Variants in TRABD2B observed in about 807,000 individuals in gnomAD.
TRABD2B encodes metalloprotease TIKI2.
TRABD2B carries 14 observed loss-of-function variants against 40.1 expected under a neutral mutation model. That is an observed-to-expected ratio of 0.35 (90% CI 0.23 to 0.55). TRABD2B has a LOEUF of 0.55. Ranked by LOEUF, TRABD2B falls within the 20% of genes least tolerant of loss-of-function variation. TRABD2B has a pLI of 0.90. For synonymous variants in TRABD2B, 263 were observed against 277.0 expected, an observed-to-expected ratio of 0.95 and a Z score of 0.50; for missense variants, 541 against 648.6, an observed-to-expected ratio of 0.83 and a Z score of 1.80.
At chr1:47,942,605 C>T (rs768910766) in intron 2 of TRABD2B, among the ~76,000 whole-genome samples, 3 of 152,068 alleles carry the variant, frequency 2.0e-5, no homozygotes, top group Non-Finnish European at 4.4e-5. Flanking sequence ...TCCCAGATCC[C>T]GAGGCTTGGA....
chr1:47,769,464 T>A (rs1445822191), intron 6 of TRABD2B, among the ~76,000 whole-genome samples: 1 of 152,150 alleles, frequency 6.6e-6, no homozygotes, highest in Non-Finnish European at 1.5e-5. Context: ...CTGAGTGGGC[T>A]TTTTATTGCT....
intron 2 of TRABD2B, among the ~76,000 whole-genome samples, chr1:47,957,464 G>GA (rs1645441308): frequency 6.6e-6 from 1 of 152,054 alleles, no homozygotes; most frequent in South Asian, 2.1e-4. Context: ...TAAAAACCTT[G>GA]AAAAAAGATT....
intron 3 of TRABD2B, among the ~76,000 whole-genome samples, chr1:47,797,687 T>C (rs933933787): frequency 6.6e-6 from 1 of 152,138 alleles, no homozygotes; most frequent in Non-Finnish European, 1.5e-5. Context: ...TTCATGCTGA[T>C]GGGCCTTGGC....
At chr1:47,917,293 C>G (rs1644842653) in intron 2 of TRABD2B, among the ~76,000 whole-genome samples, 3 of 152,216 alleles carry the variant, frequency 2.0e-5, no homozygotes, top group African/African-American at 7.2e-5. Flanking sequence ...CACTGAGATT[C>G]TAGCCTATCT....
At chr1:47,852,839 G>A (rs55964756) in intron 2 of TRABD2B, among the ~76,000 whole-genome samples, 13,347 of 152,090 alleles carry the variant, frequency 0.088, 662 homozygotes, top group African/African-American at 0.13. Context: ...CATAATACCT[G>A]CCCCAAAGTT....
chr1:47,993,564 C>T (rs774980381), intron 2 of TRABD2B, among the ~76,000 whole-genome samples: 3 of 152,144 alleles, frequency 2.0e-5, no homozygotes, highest in Non-Finnish European at 2.9e-5. Flanking sequence ...ACTCTACTGT[C>T]GCCAGGTCCC....
intron 5 of TRABD2B, among the ~76,000 whole-genome samples, chr1:47,777,954 G>A (rs981089440): frequency 3.3e-5 from 5 of 152,192 alleles, no homozygotes; most frequent in African/African-American, 9.7e-5. Flanking sequence ...ATTTGAGCAG[G>A]GTGGGTATGC....
At chr1:47,949,001 A>G (rs1394635338) in intron 2 of TRABD2B, among the ~76,000 whole-genome samples, 1 of 152,232 alleles carries the variant, frequency 6.6e-6, no homozygotes, top group East Asian at 1.9e-4. Context: ...TTTTATAAAT[A>G]AGAAAACTGA....
intron 2 of TRABD2B, among the ~76,000 whole-genome samples, chr1:47,810,172 G>C (rs956879264): frequency 6.6e-6 from 1 of 151,738 alleles, no homozygotes; most frequent in Admixed American, 6.6e-5. Context: ...GCGCGCGCAC[G>C]TGTGTGTGTT....
chr1:47,942,849 T>C (rs1357430391), intron 2 of TRABD2B, among the ~76,000 whole-genome samples: 1 of 152,236 alleles, frequency 6.6e-6, no homozygotes, highest in Admixed American at 6.5e-5. Flanking sequence ...GGGCCTGAGC[T>C]GGGATTTGAA....
intron 6 of TRABD2B, among the ~76,000 whole-genome samples, chr1:47,773,965 G>A (rs951593415): frequency 6.6e-6 from 1 of 152,216 alleles, no homozygotes. Flanking sequence ...GGAGATTCAT[G>A]AAGTGCAAAG....
intron 2 of TRABD2B, among the ~76,000 whole-genome samples, chr1:47,879,380 T>A (rs1205757219): frequency 1.3e-5 from 2 of 152,204 alleles, no homozygotes; most frequent in Non-Finnish European, 2.9e-5. Context: ...TACACAAATA[T>A]TTACCACTGT....
intron 2 of TRABD2B, among the ~76,000 whole-genome samples, chr1:47,882,192 G>A (rs1245090800): frequency 2.6e-5 from 4 of 152,232 alleles, no homozygotes; most frequent in African/African-American, 9.6e-5. Flanking sequence ...GTAAACACCA[G>A]CAAACACAGG....
chr1:47,809,947 G>A (rs1194017051), intron 2 of TRABD2B, among the ~76,000 whole-genome samples: 1 of 152,192 alleles, frequency 6.6e-6, no homozygotes, highest in Non-Finnish European at 1.5e-5. Context: ...TATTTATTGA[G>A]CACTTATGTA....
chr1:47,780,272 C>T (rs970205383), intron 4 of TRABD2B, among the ~76,000 whole-genome samples: 3 of 152,214 alleles, frequency 2.0e-5, no homozygotes, highest in Non-Finnish European at 4.4e-5. Context: ...AAGCATATTA[C>T]CCTCTAATGC....
At chr1:47,772,277 C>A (rs1045617175) in intron 6 of TRABD2B, among the ~76,000 whole-genome samples, 2 of 151,918 alleles carry the variant, frequency 1.3e-5, no homozygotes, top group Non-Finnish European at 2.9e-5. Flanking sequence ...AGGTATCTGG[C>A]ACAGCAGGGG....
intron 2 of TRABD2B, among the ~76,000 whole-genome samples, chr1:47,956,877 T>A (rs1211603240): frequency 6.6e-6 from 1 of 152,072 alleles, no homozygotes; most frequent in African/African-American, 2.4e-5. Context: ...CAGCATGGAG[T>A]TTGAGATCTG....
chr1:47,992,937 T>C (rs914209396), intron 2 of TRABD2B, among the ~76,000 whole-genome samples: 3 of 152,246 alleles, frequency 2.0e-5, no homozygotes, highest in African/African-American at 7.2e-5. Flanking sequence ...AGGGACAATA[T>C]TGCATTTCCC....
At chr1:47,947,355 C>A (rs1645273738) in intron 2 of TRABD2B, among the ~76,000 whole-genome samples, 1 of 152,174 alleles carries the variant, frequency 6.6e-6, no homozygotes, top group Non-Finnish European at 1.5e-5. Flanking sequence ...AGGCCAAGGA[C>A]CTCACCCAAG....
Sources: allele counts gnomAD v4.1 joint callset (sites outside exome capture counted in the v4.1 genomes callset), GRCh38; gene constraint gnomAD v4.1.1; transcripts MANE v1.5; gene names NCBI Gene and HGNC (gene_info 2026-07-23, HGNC 2026-07-21).